AKT3: variants seen among roughly 807,000 people sequenced by gnomAD.
AKT3 encodes AKT serine/threonine kinase 3, also known as RAC-gamma serine/threonine-protein kinase.
In AKT3, 15 loss-of-function variants were observed where a neutral mutation model predicts 65.3. The ratio of observed to expected loss-of-function variants is 0.23; its 90% CI spans 0.15 to 0.35. The LOEUF (loss-of-function observed/expected upper bound fraction) is 0.35, where lower values mean the gene tolerates loss of function less well. Ranked by LOEUF, AKT3 falls within the 10% of genes least tolerant of loss-of-function variation. AKT3 has a pLI of 1.00. For missense variants in AKT3, 243 were observed against 576.5 expected (o/e 0.42, Z 5.92); for synonymous variants, 206 against 183.8 (o/e 1.12, Z -0.98).
At chr1:243,658,294 G>C (rs1230198760) in intron 4 of AKT3, among the ~76,000 whole-genome samples, 1 of 152,118 alleles carries the variant, frequency 6.6e-6, no homozygotes, top group Non-Finnish European at 1.5e-5. Context: ...CTTGGCAAAA[G>C]ACTTGAATAG....
At chr1:243,550,660 A>G (rs1672985589) in intron 11 of AKT3, among the ~76,000 whole-genome samples, 1 of 151,814 alleles carries the variant, frequency 6.6e-6, no homozygotes, top group African/African-American at 2.4e-5. Context: ...AATAGATAAA[A>G]GTCGGCTGGA....
intron 2 of AKT3, among the ~76,000 whole-genome samples, chr1:243,770,456 TCA>T (rs1333821449): frequency 6.6e-6 from 1 of 152,100 alleles, no homozygotes; most frequent in Non-Finnish European, 1.5e-5. Flanking sequence ...TGCCATAGTA[TCA>T]TACTTTTTTT....
In AKT3 at chr1:243,841,446, G is replaced by C. The variant is rs986319378; in HGVS notation, c.46+1679C>G. 1.5e-4 allele frequency among the ~76,000 whole-genome samples: 23 copies of C among 152,028 alleles called. 1 individual carries two copies. The highest frequency in any genetic ancestry group is 3.1e-4 in the Non-Finnish European group (21 of 67,992). On this transcript the variant is annotated intron_variant, in intron 2 of 13. Transcript: ENST00000673466. ...GATTTGCCATCCCCCTCCAAAAAAA[G>C]TAGAATAATATAAATACGTTTAAAA...
intron 8 of AKT3, among the ~76,000 whole-genome samples, chr1:243,609,599 A>C (rs1677711389): frequency 6.6e-6 from 1 of 152,192 alleles, no homozygotes; most frequent in South Asian, 2.1e-4. Context: ...CAGAAGTTGC[A>C]GTGAGCCGAG....
In AKT3 at chr1:243,568,820, C is replaced by A. The variant is rs539365260; in HGVS notation, c.819+4106G>T. Reference sequence around the variant, plus strand: ...TCACTGGCCTGGAAGCTTCTCTGAACACTTTGCAGGCCGAGGCATGGTTGT... The same window carrying A: ...TCACTGGCCTGGAAGCTTCTCTGAAAACTTTGCAGGCCGAGGCATGGTTGT... On this transcript the variant is annotated intron_variant, in intron 9 of 13. Coordinates refer to ENST00000673466, the MANE Select transcript of AKT3 (RefSeq NM_005465.7). 8.5e-5 allele frequency among the ~76,000 whole-genome samples: 13 copies of A among 152,282 alleles called. No homozygotes were observed. The South Asian group carries it at 2.7e-3, about 32-fold the overall frequency.
intron 2 of AKT3, among the ~76,000 whole-genome samples, chr1:243,770,292 GA>G (rs1690096555): frequency 6.6e-6 from 1 of 152,072 alleles, no homozygotes. Flanking sequence ...TCTGGGGTAG[GA>G]AAAGCCTTAG....
intron 3 of AKT3, among the ~76,000 whole-genome samples, chr1:243,691,772 G>C (rs1022059259): frequency 6.6e-6 from 1 of 152,304 alleles, no homozygotes; most frequent in East Asian, 1.9e-4. Flanking sequence ...GCAGCCAATT[G>C]AACAGAGTAA....
At chr1:243,605,425 T>C (rs1398948567) in intron 8 of AKT3, among the ~76,000 whole-genome samples, 2 of 152,310 alleles carry the variant, frequency 1.3e-5, no homozygotes, top group African/African-American at 4.8e-5. Flanking sequence ...TTATATTCCA[T>C]GAAGCTCTAT....
At chr1:243,699,049 G>T (rs1404890667) in intron 2 of AKT3, among the ~76,000 whole-genome samples, 1 of 152,056 alleles carries the variant, frequency 6.6e-6, no homozygotes, top group Non-Finnish European at 1.5e-5. Context: ...TTCAGATAAG[G>T]CACGTGTTGT....
intron 2 of AKT3, among the ~76,000 whole-genome samples, chr1:243,753,364 C>T (rs1688928147): frequency 6.6e-6 from 1 of 152,068 alleles, no homozygotes; most frequent in African/African-American, 2.4e-5. Flanking sequence ...TTAGCACTAA[C>T]CTAAAAGCGT....
intron 12 of AKT3, among the ~76,000 whole-genome samples, chr1:243,534,434 A>T (rs1240510470): frequency 1.3e-5 from 2 of 152,238 alleles, no homozygotes; most frequent in African/African-American, 4.8e-5. Flanking sequence ...TTATAGTTGG[A>T]CACATCAACA....
intron 8 of AKT3, among the ~76,000 whole-genome samples, chr1:243,589,351 T>C (rs114139422): frequency 0.034 from 3,556 of 104,376 alleles, 134 homozygotes; most frequent in African/African-American, 0.12. Flanking sequence ...AGAAAAAAAA[T>C]CTGATCAAAA....
chr1:243,533,903 T>C (rs1671725323), intron 12 of AKT3, among the ~76,000 whole-genome samples: 1 of 152,098 alleles, frequency 6.6e-6, no homozygotes, highest in Admixed American at 6.5e-5. Context: ...GGCAGGAGAA[T>C]AGTGTGAAGC....
chr1:243,572,718 T>C (rs1441655146), intron 9 of AKT3, among the ~76,000 whole-genome samples: 2 of 152,194 alleles, frequency 1.3e-5, no homozygotes, highest in African/African-American at 4.8e-5. Flanking sequence ...GAAATTGCTT[T>C]GCAAATCAAA....
intron 8 of AKT3, among the ~76,000 whole-genome samples, chr1:243,583,447 C>T (rs184202626): frequency 6.7e-6 from 1 of 149,760 alleles, no homozygotes; most frequent in Admixed American, 6.7e-5. Flanking sequence ...CTACAGAATA[C>T]TCTACCCATC....
intron 12 of AKT3, among the ~76,000 whole-genome samples, chr1:243,542,110 A>G (rs557996283): frequency 6.6e-6 from 1 of 152,224 alleles, no homozygotes. Flanking sequence ...GCTCTTCCTA[A>G]ATTTATCTAC....
intron 2 of AKT3, among the ~76,000 whole-genome samples, chr1:243,753,746 C>T (rs1249021251): frequency 6.6e-6 from 1 of 152,172 alleles, no homozygotes; most frequent in Non-Finnish European, 1.5e-5. Flanking sequence ...TCAAACACAA[C>T]TCTTGAACAG....
intron 12 of AKT3, among the ~76,000 whole-genome samples, chr1:243,544,269 G>C (rs1407185544): frequency 1.3e-5 from 2 of 148,698 alleles, no homozygotes; most frequent in African/African-American, 4.9e-5. Context: ...AAAAAAGCAG[G>C]GGGAGGGGGG....
intron 2 of AKT3, among the ~76,000 whole-genome samples, chr1:243,767,627 G>A (rs1362128238): frequency 6.6e-6 from 1 of 151,942 alleles, no homozygotes; most frequent in East Asian, 1.9e-4. Flanking sequence ...TTTTTTGAAA[G>A]ATTTGTCATT....
Sources: allele counts gnomAD v4.1 joint callset (sites outside exome capture counted in the v4.1 genomes callset), GRCh38; gene constraint gnomAD v4.1.1; transcripts MANE v1.5; gene names NCBI Gene and HGNC (gene_info 2026-07-23, HGNC 2026-07-21).